Variants in UHMK1 observed in about 807,000 individuals in gnomAD.
The protein encoded by UHMK1 is serine/threonine-protein kinase Kist.
In UHMK1, 18 loss-of-function variants were observed where a neutral mutation model predicts 44.0. The observed-to-expected ratio is 0.41, with a 90% CI of 0.28 to 0.61. The LOEUF (loss-of-function observed/expected upper bound fraction) is 0.61. Among genes scored for constraint, UHMK1 ranks in the 20% least tolerant of loss-of-function variants. The pLI, the probability that UHMK1 is intolerant of heterozygous loss-of-function variation, is 0.31. For missense variants in UHMK1, 463 were observed against 522.5 expected, an observed-to-expected ratio of 0.89 and a Z score of 1.11; for synonymous variants, 231 against 198.5, an observed-to-expected ratio of 1.16 and a Z score of -1.38.
upstream of UHMK1, among the ~76,000 whole-genome samples, chr1:162,497,624 A>G (rs1007824571): frequency 2.6e-5 from 4 of 152,162 alleles, no homozygotes; most frequent in African/African-American, 4.8e-5. Flanking sequence ...AAAAAGGACC[A>G]GTTTTGGCTT....
chr1:162,503,849 G>A lies in UHMK1; in HGVS notation c.848+1G>A. On this transcript the variant is annotated splice_donor_variant, in intron 4 of 7. Coordinates refer to ENST00000489294, the MANE Select transcript of UHMK1 (RefSeq NM_175866.5). LOFTEE classifies it high-confidence loss of function. ...ATCACCTAAGAGACCTTATCAAAAG[G>A]TATGTTACACGTACCATAAACTTGC... 1 of 1,613,356 alleles carries A rather than the reference G, an allele frequency of 6.2e-7. No homozygotes were observed. The highest frequency in any genetic ancestry group is 8.5e-7 in the Non-Finnish European group (1 of 1,179,502).
chr1:162,513,723 T>C (rs759828782), intron 6 of UHMK1, among the ~76,000 whole-genome samples: 2 of 152,176 alleles, frequency 1.3e-5, no homozygotes, highest in Non-Finnish European at 2.9e-5. Flanking sequence ...TATGACTGTA[T>C]CTTAAGATAT....
At chr1:162,515,938 G>A (rs1651821182) in intron 6 of UHMK1, among the ~76,000 whole-genome samples, 1 of 152,052 alleles carries the variant, frequency 6.6e-6, no homozygotes, top group African/African-American at 2.4e-5. Flanking sequence ...GGAGGCTGAG[G>A]CAGGAGAATA....
rs1652300817 is a variant in UHMK1, at chr1:162,527,764, A to G, written c.*5214A>G. The G allele has an allele frequency of 6.6e-6, 1 of 152,040 alleles. No individual in the cohort carries two copies. The allele number at this position is 152,040 out of a possible 1,614,324, so 9.4% of individuals were successfully genotyped here. A position where few individuals can be genotyped will look rare whatever the true frequency, so the allele number is the denominator to read the frequency against. On this transcript the variant is annotated 3_prime_UTR_variant, in exon 8 of 8. Transcript: ENST00000489294. Reference sequence around the variant, plus strand: ...TGAAGAAAGCCATGTATGTTTTGTTACCTAGGTTCATAGTATTTTAATTTA... The same window carrying G: ...TGAAGAAAGCCATGTATGTTTTGTTGCCTAGGTTCATAGTATTTTAATTTA...
chr1:162,519,382 G>A (rs1651962013), intron 7 of UHMK1, among the ~76,000 whole-genome samples: 1 of 151,838 alleles, frequency 6.6e-6, no homozygotes, highest in Admixed American at 6.6e-5. Context: ...CTGGAGAAAT[G>A]TTTTAGTCTA....
Position 162,498,087 on chromosome 1 carries a change from G to C in UHMK1, c.87G>C (p.Leu29=). Residue 29 remains leucine, a synonymous_variant, in exon 1 of 8, where the codon CTG becomes CTC. Transcript: ENST00000489294. Reference sequence around the variant, plus strand: ...GGCTGTGGCAGGTACAGAGCCGTCTGGGTAGCGGCTCCTCCGCCTCGGTGT... The same window carrying C: ...GGCTGTGGCAGGTACAGAGCCGTCTCGGTAGCGGCTCCTCCGCCTCGGTGT... ...FGRLWQVQSR[L]GSGSSASVYR... The C allele has an allele frequency of 6.2e-7, 1 of 1,612,060 alleles. No homozygotes were observed. Among genetic ancestry groups the C allele is most frequent in the Non-Finnish European group, 8.5e-7 (1 of 1,179,690 alleles).
chr1:162,511,189 C>CTTTTTTTT (rs142796500), intron 4 of UHMK1, among the ~76,000 whole-genome samples: 3 of 101,004 alleles, frequency 3.0e-5, no homozygotes, highest in Non-Finnish European at 3.8e-5. Context: ...TTTTCTTTTT[C>CTTTTTTTT]TTTTTTTTTT....
At chr1:162,503,878 GC>G in intron 4 of UHMK1, 30 bp downstream of exon 4, 1 of 1,558,268 alleles carries the variant, frequency 6.4e-7, no homozygotes, top group South Asian at 1.1e-5. Flanking sequence ...AACTTGCTTT[GC>G]ATTCATGTAC....
At position 162,524,015 on chromosome 1, in the gene UHMK1, T is replaced by C. The variant is rs1433359257; in HGVS notation, c.*1465T>C. The C allele has an allele frequency of 1.3e-5, 2 of 151,998 alleles. No homozygotes were observed. Among genetic ancestry groups the C allele is most frequent in the Non-Finnish European group, 2.9e-5 (2 of 67,966 alleles). The allele number at this position is 151,998 out of a possible 1,614,324, so 9.4% of individuals were successfully genotyped here. On this transcript the variant is annotated 3_prime_UTR_variant, in exon 8 of 8. Coordinates refer to ENST00000489294, the MANE Select transcript of UHMK1 (RefSeq NM_175866.5). ...TTTCATGGTAGGTTGTCTTTAAAGA[T>C]ATAAAAATTAGGATGCCTTTATGAA...
At chr1:162,516,309 G>A (rs943969464) in intron 6 of UHMK1, among the ~76,000 whole-genome samples, 3 of 152,146 alleles carry the variant, frequency 2.0e-5, no homozygotes, top group Non-Finnish European at 1.5e-5. Flanking sequence ...AGAAATTATG[G>A]TATGTGTTGG....
intron 6 of UHMK1, among the ~76,000 whole-genome samples, chr1:162,514,053 A>T (rs6427673): frequency 0.46 from 69,448 of 152,032 alleles, 15,908 homozygotes; most frequent in East Asian, 0.47. Context: ...CAAGGACAAC[A>T]GTTGTGAAGC....
At position 162,524,701 on chromosome 1, in the gene UHMK1, G is replaced by A. The variant is rs530104079; in HGVS notation, c.*2151G>A. ...GTAGGCTTCTAAGCCTAGTCCTGCA[G>A]TATGCTGCTAACATCTTGATGCCAA... is the stretch of plus-strand genomic sequence containing the variant. On this transcript the variant is annotated 3_prime_UTR_variant, in exon 8 of 8. Transcript: ENST00000489294. 3.3e-5 allele frequency: 5 copies of A among 152,308 alleles called. No individual in the cohort carries two copies. The East Asian group carries it at 9.6e-4, about 29-fold the overall frequency. 9.4% of individuals were successfully genotyped at this position (152,308 alleles called of 1,614,324 possible). A position where few individuals can be genotyped will look rare whatever the true frequency, so the allele number is the denominator to read the frequency against.
chr1:162,527,238 C>A lies in UHMK1; in HGVS notation c.*4688C>A, dbSNP rs763612362. On this transcript the variant is annotated 3_prime_UTR_variant, in exon 8 of 8. Transcript: ENST00000489294. ...CATGTTCGTTATTGTAGCCACCTCC[C>A]TCAGATGTTTTTCACTATTTTTAAA... 1.3e-5 allele frequency: 2 copies of A among 151,992 alleles called. No individual in the cohort carries two copies. Among genetic ancestry groups the A allele is most frequent in the Non-Finnish European group, 2.9e-5 (2 of 67,944 alleles). 9.4% of individuals were successfully genotyped at this position (151,992 alleles called of 1,614,324 possible).
At chr1:162,521,440 T>G (rs921248283) in intron 7 of UHMK1, among the ~76,000 whole-genome samples, 1 of 151,942 alleles carries the variant, frequency 6.6e-6, no homozygotes, top group Non-Finnish European at 1.5e-5. Context: ...AGGAATAGAT[T>G]CATTATTCCT....
chr1:162,521,746 A>G (rs977265360), intron 7 of UHMK1, among the ~76,000 whole-genome samples: 2 of 152,190 alleles, frequency 1.3e-5, no homozygotes, highest in Non-Finnish European at 1.5e-5. Flanking sequence ...CTCCTGCCTC[A>G]GCCTCCTGGG....
At chr1:162,522,139 C>G (rs981145691) in intron 7 of UHMK1, among the ~76,000 whole-genome samples, 3 of 152,156 alleles carry the variant, frequency 2.0e-5, no homozygotes, top group Admixed American at 6.5e-5. Context: ...ACAACTTGTC[C>G]TTGAGAGATT....
chr1:162,511,237 T>C (rs357041), intron 4 of UHMK1, among the ~76,000 whole-genome samples: 97,900 of 144,434 alleles, frequency 0.68, 34,844 homozygotes, highest in African/African-American at 0.89. Context: ...GTTGCCAAGG[T>C]TGTAGTGCAG....
intron 6 of UHMK1, among the ~76,000 whole-genome samples, chr1:162,514,168 A>T (rs1185577468): frequency 6.6e-6 from 1 of 152,176 alleles, no homozygotes; most frequent in Non-Finnish European, 1.5e-5. Flanking sequence ...ACATGCCTAT[A>T]ATCCCAGCTG....
chr1:162,509,711 G>C (rs1036537154), intron 4 of UHMK1, among the ~76,000 whole-genome samples: 2 of 152,078 alleles, frequency 1.3e-5, no homozygotes, highest in Non-Finnish European at 2.9e-5. Flanking sequence ...GCACGATCTC[G>C]GCTCACTGCA....
Sources: allele counts gnomAD v4.1 joint callset (sites outside exome capture counted in the v4.1 genomes callset), GRCh38; gene constraint gnomAD v4.1.1; transcripts MANE v1.5; gene names NCBI Gene and HGNC (gene_info 2026-07-23, HGNC 2026-07-21).